The following CEP135 variants were observed in gnomAD, a reference collection of about 807,000 sequenced individuals.
CEP135 encodes the protein centrosomal protein of 135 kDa.
CEP135 carries 142 observed loss-of-function variants against 157.3 expected under a neutral mutation model. The observed-to-expected ratio is 0.90, with a 90% CI of 0.79 to 1.04. CEP135 has a LOEUF of 1.04. CEP135 is among the 50% of genes least tolerant of loss of function. The pLI, the probability that CEP135 is intolerant of heterozygous loss-of-function variation, is 0.00. For missense variants in CEP135, 1,317 were observed against 1,309.2 expected, an observed-to-expected ratio of 1.01 and a Z score of -0.09; for synonymous variants, 396 against 439.8, an observed-to-expected ratio of 0.90 and a Z score of 1.25.
At position 55,952,195 on chromosome 4, in the gene CEP135, G is replaced by T. The variant is rs143787451; in HGVS notation, c.65G>T (p.Arg22Leu). Residue 22 changes from arginine (R) to leucine (L), a missense_variant, in exon 2 of 26, where the codon CGC (arginine) becomes CTC (leucine). Arg to Leu is a moderately radical substitution (Grantham distance 102). Transcript: ENST00000257287. ...AAAAGGCTGGATCAGCTGGGATACC[G>T]CCAGACTCTGACAGTGGAGTGTTTA... Reference protein sequence around the residue: ...IRKRLDQLGYRQTLTVECLPL... With the variant: ...IRKRLDQLGYLQTLTVECLPL... The T allele has an allele frequency of 4.3e-6, 7 of 1,613,172 alleles. No homozygotes were observed. The highest frequency in any genetic ancestry group is 5.9e-6 in the Non-Finnish European group (7 of 1,179,320).
intron 8 of CEP135, 75 bp downstream of exon 8, chr4:55,965,934 A>G (rs2109657957): frequency 1.6e-6 from 2 of 1,239,876 alleles, no homozygotes; most frequent in African/African-American, 1.5e-5. Flanking sequence ...ATCCCTTTTG[A>G]TATCTGCATT....
chr4:56,007,816 C>T (rs1187696803), intron 17 of CEP135, among the ~76,000 whole-genome samples: 2 of 152,132 alleles, frequency 1.3e-5, no homozygotes, highest in African/African-American at 4.8e-5. Context: ...TTTTACGTCT[C>T]TGTGGCCCAG....
At chr4:55,993,521 C>T (rs1221420033) in intron 15 of CEP135, among the ~76,000 whole-genome samples, 3 of 152,166 alleles carry the variant, frequency 2.0e-5, no homozygotes, top group Admixed American at 6.5e-5. Context: ...GTAGATACTG[C>T]TTTTTTCTTT....
At chr4:55,959,803 A>G in intron 6 of CEP135, 37 bp downstream of exon 6, 1 of 1,440,332 alleles carries the variant, frequency 6.9e-7, no homozygotes, top group South Asian at 1.1e-5. Context: ...AGGGATTGAG[A>G]TAGGTATGCT....
chr4:55,993,233 A>T (rs975373889), intron 15 of CEP135, among the ~76,000 whole-genome samples: 4 of 152,220 alleles, frequency 2.6e-5, no homozygotes, highest in Non-Finnish European at 5.9e-5. Flanking sequence ...GATGAGAAAA[A>T]AGACATAGTT....
At chr4:55,992,211 A>C (rs1729823133) in intron 15 of CEP135, 126 bp downstream of exon 15, 1 of 797,328 alleles carries the variant, frequency 1.3e-6, no homozygotes, top group African/African-American at 1.8e-5. Flanking sequence ...TTTGCAGTAG[A>C]CTCACCTGGG....
intron 20 of CEP135, 61 bp from the exon 21 acceptor site, chr4:56,011,739 A>G (rs1416272913): frequency 7.4e-7 from 1 of 1,350,234 alleles, no homozygotes; most frequent in Non-Finnish European, 1.0e-6. Context: ...TGTTTATGAC[A>G]TAGGTGTTCC....
chr4:55,998,795 G>A (rs1227313730), intron 15 of CEP135, among the ~76,000 whole-genome samples: 1 of 152,130 alleles, frequency 6.6e-6, no homozygotes, highest in Non-Finnish European at 1.5e-5. Flanking sequence ...AGCCCAGGAG[G>A]CGGAGGTTGC....
intron 18 of CEP135, 35 bp downstream of exon 18, chr4:56,008,417 G>A (rs1022170629): frequency 6.5e-6 from 10 of 1,546,688 alleles, no homozygotes; most frequent in East Asian, 2.3e-5. Flanking sequence ...CAGCTTTTTA[G>A]GAGATTTTCA....
intron 6 of CEP135, among the ~76,000 whole-genome samples, chr4:55,962,481 G>A (rs1728713215): frequency 6.6e-6 from 1 of 152,016 alleles, no homozygotes; most frequent in Non-Finnish European, 1.5e-5. Flanking sequence ...TGTCTTACTT[G>A]ATATCTCCAT....
At position 55,971,312 on chromosome 4, in the gene CEP135, GA is replaced by G; in HGVS notation, c.1155del (p.Glu385AspfsTer4). ...CQKEKERLSD[E>X]LLVKSDLETV... ...GAAAGAAAAGGAGAGACTGAGTGAT[GA>G]ACTCCTTGTAAAATCAGACCTAGAA... On this transcript the variant is annotated frameshift_variant, in exon 10 of 26. Coordinates refer to ENST00000257287, the MANE Select transcript of CEP135 (RefSeq NM_025009.5). LOFTEE classifies it high-confidence loss of function. The G allele has an allele frequency of 6.2e-7, 1 of 1,605,424 alleles. No homozygotes were observed. The highest frequency in any genetic ancestry group is 2.3e-5 in the East Asian group (1 of 44,198).
At chr4:55,980,380 A>G (rs1438923544) in intron 12 of CEP135, 85 bp downstream of exon 12, 7 of 776,668 alleles carry the variant, frequency 9.0e-6, no homozygotes, top group African/African-American at 7.3e-5. Flanking sequence ...TCACATTACT[A>G]TAATATATGG....
chr4:55,959,926 G>T (rs1354707915), intron 6 of CEP135, 160 bp downstream of exon 6: 1 of 675,600 alleles, frequency 1.5e-6, no homozygotes, highest in East Asian at 2.7e-5. Flanking sequence ...AATGGCTTAG[G>T]TGGCTTTACT....
intron 25 of CEP135, among the ~76,000 whole-genome samples, 151 bp downstream of exon 25, chr4:56,024,765 G>A (rs1731097947): frequency 6.6e-6 from 1 of 151,996 alleles, no homozygotes; most frequent in Non-Finnish European, 1.5e-5. Context: ...CTTGGTGATA[G>A]TAGTTATGTG....
intron 6 of CEP135, 158 bp downstream of exon 6, chr4:55,959,924 A>G: frequency 1.5e-6 from 1 of 679,948 alleles, no homozygotes; most frequent in South Asian, 1.8e-5. Flanking sequence ...GGAATGGCTT[A>G]GGTGGCTTTA....
At chr4:55,976,427 T>C (rs917026185) in intron 11 of CEP135, among the ~76,000 whole-genome samples, 1 of 152,130 alleles carries the variant, frequency 6.6e-6, no homozygotes, top group Non-Finnish European at 1.5e-5. Context: ...GATTGATCAG[T>C]TTAATTAAGT....
At chr4:55,992,200 C>T in intron 15 of CEP135, 115 bp downstream of exon 15, 1 of 972,212 alleles carries the variant, frequency 1.0e-6, no homozygotes. Context: ...TAGAAGTTGG[C>T]TTTGCAGTAG....
intron 20 of CEP135, 87 bp downstream of exon 20, chr4:56,011,609 C>T: frequency 2.9e-6 from 3 of 1,020,148 alleles, no homozygotes; most frequent in East Asian, 2.6e-5. Context: ...AGATATTAAA[C>T]ATTTTAAAGT....
intron 25 of CEP135, among the ~76,000 whole-genome samples, chr4:56,024,825 CTT>C (rs71192063): frequency 7.0e-5 from 10 of 142,208 alleles, no homozygotes; most frequent in Admixed American, 7.1e-5. Flanking sequence ...ACAGTGTATG[CTT>C]TTTTTTTTTT....
Sources: gnomAD v4.1 joint callset for allele counts (sites outside exome capture counted in the v4.1 genomes callset) on GRCh38, gnomAD v4.1.1 for gene constraint, MANE v1.5 for transcripts, NCBI Gene and HGNC (gene_info 2026-07-23, HGNC 2026-07-21) for gene names.